The following SMARCA5 variants were observed in gnomAD, a reference collection of about 807,000 sequenced individuals.
SMARCA5 encodes SNF2 related chromatin remodeling ATPase 5.
In SMARCA5, 18 loss-of-function variants were observed where a neutral mutation model predicts 140.4. The ratio of observed to expected loss-of-function variants is 0.13; its 90% CI spans 0.09 to 0.19. The LOEUF (loss-of-function observed/expected upper bound fraction) is 0.19. Ranked by LOEUF, SMARCA5 falls within the 10% of genes least tolerant of loss-of-function variation. The probability of loss-of-function intolerance (pLI) is 1.00; values close to 1 mark genes in which losing one functional copy is unlikely to be tolerated. For synonymous variants in SMARCA5, 449 were observed against 419.6 expected (o/e 1.07, Z -0.86); for missense variants, 606 against 1,276.8 (o/e 0.47, Z 8.01).
intron 3 of SMARCA5, among the ~76,000 whole-genome samples, chr4:143,521,959 A>G (rs1174334970): frequency 6.6e-6 from 1 of 151,250 alleles, no homozygotes; most frequent in Non-Finnish European, 1.5e-5. Context: ...AGCATTATAT[A>G]GTTTATGAAT....
At position 143,528,717 on chromosome 4, in the gene SMARCA5, A is replaced by G; in HGVS notation, c.1089+3A>G. 6.2e-7 allele frequency: 1 copy of G among 1,607,498 alleles called. No individual in the cohort carries two copies. On this transcript the variant is annotated splice_donor_region_variant and intron_variant, in intron 8 of 23. Coordinates refer to ENST00000283131, the MANE Select transcript of SMARCA5 (RefSeq NM_003601.4). ...CAGATGTGTTTAATTCAGCAGATGT[A>G]AGTATTTCCTGGTGCTTTCTGGTTA...
intron 22 of SMARCA5, among the ~76,000 whole-genome samples, chr4:143,548,733 C>T (rs750155865): frequency 6.6e-6 from 1 of 152,038 alleles, no homozygotes; most frequent in African/African-American, 2.4e-5. Context: ...TGAGCTTCAA[C>T]TTGTTTTCTG....
rs192333111 is a variant in SMARCA5, at chr4:143,556,566, T to C, written c.*3382T>C. ...GGATTGATGAACTCATAAATCCAAATGAATGGAATGCTAGAAGACATGTAT... is the reference window on the plus strand; with the variant it reads ...GGATTGATGAACTCATAAATCCAAACGAATGGAATGCTAGAAGACATGTAT... On this transcript the variant is annotated 3_prime_UTR_variant, in exon 24 of 24. Transcript: ENST00000283131. 37 of 152,266 alleles carry C rather than the reference T, an allele frequency of 2.4e-4. No individual in the cohort carries two copies. The highest frequency in any genetic ancestry group is 7.5e-4 in the African/African-American group (31 of 41,536). The allele number at this position is 152,266 out of a possible 1,614,324, so 9.4% of individuals were successfully genotyped here. A position where few individuals can be genotyped will look rare whatever the true frequency, so the allele number is the denominator to read the frequency against.
chr4:143,515,143 C>T lies in SMARCA5; in HGVS notation c.177+1042C>T, dbSNP rs1205446680. ...AGACAGAATGAAAGTAATACTGCTC[C>T]GAAGATGAGTCTTGATGCAGAATCA... is the stretch of plus-strand genomic sequence containing the variant. On this transcript the variant is annotated intron_variant, in intron 1 of 23. Transcript: ENST00000283131. Among the ~76,000 whole-genome samples the T allele has an allele frequency of 7.9e-5, 12 of 152,182 alleles. No individual in the cohort carries two copies. The East Asian group carries it at 2.1e-3, about 27-fold the overall frequency.
At position 143,556,555 on chromosome 4, in the gene SMARCA5, A is replaced by T. The variant is rs1737761982; in HGVS notation, c.*3371A>T. 6.6e-6 allele frequency: 1 copy of T among 152,238 alleles called. No homozygotes were observed. Among genetic ancestry groups the T allele is most frequent in the Admixed American group, 6.5e-5 (1 of 15,280 alleles). 9.4% of individuals were successfully genotyped at this position (152,238 alleles called of 1,614,324 possible). ...TGACACAAGGTGGATTGATGAACTC[A>T]TAAATCCAAATGAATGGAATGCTAG... On this transcript the variant is annotated 3_prime_UTR_variant, in exon 24 of 24. Coordinates refer to ENST00000283131, the MANE Select transcript of SMARCA5 (RefSeq NM_003601.4).
chr4:143,533,224 G>C (rs1283106432), intron 9 of SMARCA5, among the ~76,000 whole-genome samples: 1 of 152,146 alleles, frequency 6.6e-6, no homozygotes, highest in African/African-American at 2.4e-5. Context: ...AGTTAAAAAT[G>C]ATAGGCAAAA....
chr4:143,533,022 CTA>C (rs750184890), intron 9 of SMARCA5, among the ~76,000 whole-genome samples: 2 of 152,110 alleles, frequency 1.3e-5, no homozygotes, highest in African/African-American at 2.4e-5. Context: ...GATATAGTCA[CTA>C]TTTTTAAAAA....
chr4:143,552,557 T>G (rs912502482), intron 23 of SMARCA5, among the ~76,000 whole-genome samples: 17 of 152,006 alleles, frequency 1.1e-4, no homozygotes, highest in African/African-American at 4.1e-4. Flanking sequence ...TGTGTACACA[T>G]CTCATTGAGA....
intron 11 of SMARCA5, 23 bp from the exon 12 acceptor site, chr4:143,538,567 T>C: frequency 1.2e-6 from 2 of 1,605,002 alleles, no homozygotes; most frequent in Non-Finnish European, 1.7e-6. Context: ...CCACTGATAA[T>C]AGATTGTTAT....
intron 9 of SMARCA5, among the ~76,000 whole-genome samples, chr4:143,533,357 C>T (rs867136369): frequency 2.0e-5 from 3 of 152,078 alleles, no homozygotes; most frequent in African/African-American, 7.2e-5. Context: ...AACATGGGTA[C>T]TTTTACAGTA....
chr4:143,545,550 A>G lies in SMARCA5; in HGVS notation c.2364A>G (p.Glu788=). 1 of 1,607,592 alleles carries G rather than the reference A, an allele frequency of 6.2e-7. No homozygotes were observed. Among genetic ancestry groups the G allele is most frequent in the East Asian group, 2.2e-5 (1 of 44,776 alleles). Residue 788 remains glutamate, a synonymous_variant, in exon 18 of 24, where the codon GAA becomes GAG. Coordinates refer to ENST00000283131, the MANE Select transcript of SMARCA5 (RefSeq NM_003601.4). ...PPRLFELLEK[E]ILFYRKTIGY... Reference sequence around the variant, plus strand: ...GTTTATTTGAATTACTGGAAAAAGAAATTCTGTTTTACAGAAAAACTATTG... The same window carrying G: ...GTTTATTTGAATTACTGGAAAAAGAGATTCTGTTTTACAGAAAAACTATTG...
chr4:143,522,793 C>A (rs1385892922), intron 3 of SMARCA5, among the ~76,000 whole-genome samples: 1 of 151,764 alleles, frequency 6.6e-6, no homozygotes, highest in Non-Finnish European at 1.5e-5. Flanking sequence ...TTCTTTTATT[C>A]TTTTCTATTT....
chr4:143,520,208 T>A (rs1736928084), intron 2 of SMARCA5, among the ~76,000 whole-genome samples: 1 of 152,182 alleles, frequency 6.6e-6, no homozygotes, highest in Non-Finnish European at 1.5e-5. Context: ...CCAAACATCT[T>A]GTAGATGCGT....
intron 1 of SMARCA5, among the ~76,000 whole-genome samples, 192 bp from the exon 2 acceptor site, chr4:143,517,163 C>T (rs561244844): frequency 6.6e-6 from 1 of 152,080 alleles, no homozygotes; most frequent in Non-Finnish European, 1.5e-5. Flanking sequence ...GGGTTAAATA[C>T]GTTGTTATCC....
intron 14 of SMARCA5, 91 bp downstream of exon 14, chr4:143,540,586 C>T (rs1275917122): frequency 1.7e-6 from 2 of 1,201,276 alleles, no homozygotes; most frequent in East Asian, 2.4e-5. Context: ...TGTTACTAAG[C>T]ATCCATTGAG....
Position 143,553,487 on chromosome 4 carries a change from T to C in SMARCA5, c.*303T>C, listed in dbSNP as rs1019358359. 1.2e-5 allele frequency: 3 copies of C among 240,900 alleles called. No homozygotes were observed. Among genetic ancestry groups the C allele is most frequent in the Admixed American group, 1.0e-4 (2 of 19,158 alleles). The allele number at this position is 240,900 out of a possible 1,614,324, so 14.9% of individuals were successfully genotyped here. The stretch of plus-strand genomic sequence containing the variant: ...AGATTGTGACTTTTTGTTTATTAGC[T>C]ATAATTTCTACACTTGTAAGGCTTA... On this transcript the variant is annotated 3_prime_UTR_variant, in exon 24 of 24. Coordinates refer to ENST00000283131, the MANE Select transcript of SMARCA5 (RefSeq NM_003601.4).
At chr4:143,518,489 A>T (rs1327329545) in intron 2 of SMARCA5, among the ~76,000 whole-genome samples, 2 of 152,200 alleles carry the variant, frequency 1.3e-5, no homozygotes, top group East Asian at 3.8e-4. Context: ...TTCTGTCTTC[A>T]GTACCCAGAA....
chr4:143,521,585 T>C lies in SMARCA5; in HGVS notation c.409T>C (p.Ser137Pro). ...IKKDEKQNLLSVGDYRHRRTE... is the reference protein window; with the variant it reads ...IKKDEKQNLLPVGDYRHRRTE... The stretch of plus-strand genomic sequence containing the variant: ...AAAAGATGAGAAGCAGAACTTACTA[T>C]CCGTTGGCGAGTGAGTAATAGTTTA... Residue 137 changes from serine (S) to proline (P), a missense_variant, in exon 3 of 24, where the codon TCC becomes CCC. Physicochemically the swap from Ser to Pro is moderately conservative, Grantham distance 74. This residue lies in a region of SMARCA5 where 110 missense variants were observed against 287.7 expected (regional missense o/e 0.38). Transcript: ENST00000283131. 1 of 1,611,572 alleles carries C rather than the reference T, an allele frequency of 6.2e-7. No homozygotes were observed. The highest frequency in any genetic ancestry group is 8.5e-7 in the Non-Finnish European group (1 of 1,179,126).
rs1737727596 is a variant in SMARCA5, at chr4:143,555,448, TTC to T, written c.*2266_*2267del. 2 of 565,760 alleles carry T rather than the reference TTC, an allele frequency of 3.5e-6. No homozygotes were observed. The highest frequency in any genetic ancestry group is 3.5e-5 in the South Asian group (2 of 56,944). The allele number at this position is 565,760 out of a possible 1,614,324, so 35.0% of individuals were successfully genotyped here. A position where few individuals can be genotyped will look rare whatever the true frequency, so the allele number is the denominator to read the frequency against. On this transcript the variant is annotated 3_prime_UTR_variant, in exon 24 of 24. Transcript: ENST00000283131. ...TATTTGTGACTAATTGTATAATAGT[TTC>T]TGTTCTGTGGAAAGTAAAGCATTCC...
Sources: gnomAD v4.1 joint callset for allele counts (sites outside exome capture counted in the v4.1 genomes callset) on GRCh38, gnomAD v4.1.1 for gene constraint, gnomAD v4.1.1 regional missense constraint, MANE v1.5 for transcripts, NCBI Gene and HGNC (gene_info 2026-07-23, HGNC 2026-07-21) for gene names.